GRIK1: variants seen among roughly 807,000 people sequenced by gnomAD.
The protein encoded by GRIK1 is glutamate receptor ionotropic, kainate 1.
A neutral mutation model predicts 105.7 loss-of-function variants in GRIK1; 69 were observed. That is an observed-to-expected ratio of 0.65 (90% CI 0.54 to 0.80). The LOEUF is 0.80. Ranked by LOEUF, GRIK1 falls within the 30% of genes least tolerant of loss-of-function variation. The probability of loss-of-function intolerance (pLI) is 0.00; values close to 1 mark genes in which losing one functional copy is unlikely to be tolerated. For missense variants in GRIK1, 1,109 were observed against 1,167.3 expected (o/e 0.95, Z 0.73); for synonymous variants, 438 against 431.3 (o/e 1.02, Z -0.19).
At chr21:29,779,504 T>A (rs2145771039) in intron 1 of GRIK1, among the ~76,000 whole-genome samples, 2 of 152,160 alleles carry the variant, frequency 1.3e-5, no homozygotes, top group Admixed American at 1.3e-4. Context: ...GGTGTGTGTG[T>A]GTGTGTGTGT....
intron 1 of GRIK1, among the ~76,000 whole-genome samples, chr21:29,781,831 C>T (rs1454326765): frequency 1.0e-4 from 15 of 146,846 alleles, no homozygotes; most frequent in South Asian, 4.4e-4. Flanking sequence ...CCACCGCGCC[C>T]GGCTAATTTT....
chr21:29,573,083 C>CT (rs1331395012), intron 14 of GRIK1, among the ~76,000 whole-genome samples: 5 of 151,950 alleles, frequency 3.3e-5, no homozygotes, highest in South Asian at 4.2e-4. Flanking sequence ...CTCAACTGGT[C>CT]TTTTTTAAAG....
chr21:29,553,264 T>A lies in GRIK1; in HGVS notation c.2607+1788A>T, dbSNP rs985535758. 8.8e-6 allele frequency: 9 copies of A among 1,022,168 alleles called. No homozygotes were observed. The Admixed American group carries it at 1.7e-4, about 19-fold the overall frequency. 63.3% of individuals were successfully genotyped at this position (1,022,168 alleles called of 1,614,324 possible). The stretch of plus-strand genomic sequence containing the variant: ...AATCTCCTTTTTCATGAAGGAAGAG[T>A]TACTTATTTTTAATGCATGAAGATA... On this transcript the variant is annotated intron_variant, in intron 16 of 17. Transcript: ENST00000327783.
intron 1 of GRIK1, among the ~76,000 whole-genome samples, chr21:29,910,013 G>T (rs575457833): frequency 6.6e-6 from 1 of 152,164 alleles, no homozygotes; most frequent in Non-Finnish European, 1.5e-5. Context: ...ACCTTGAATA[G>T]ACCTTTTCCA....
At chr21:29,580,279 T>C (rs363484) in intron 13 of GRIK1, among the ~76,000 whole-genome samples, 1,774 of 151,624 alleles carry the variant, frequency 0.012, 39 homozygotes, top group African/African-American at 0.041. Context: ...AAAAATTAAA[T>C]ACATGGGTAA....
chr21:29,872,832 C>G (rs1416795288), intron 1 of GRIK1, among the ~76,000 whole-genome samples: 1 of 152,146 alleles, frequency 6.6e-6, no homozygotes, highest in Non-Finnish European at 1.5e-5. Context: ...AATTACCCCC[C>G]ACTGGGTCCC....
chr21:29,656,360 A>AAAAAAAAAAAC (rs2062851525), intron 4 of GRIK1, among the ~76,000 whole-genome samples: 1 of 89,914 alleles, frequency 1.1e-5, no homozygotes, highest in African/African-American at 6.6e-5. Context: ...GACTCAAAAA[A>AAAAAAAAAAAC]AAAAAAAAAA....
At chr21:29,577,648 A>G (rs1403637421) in intron 13 of GRIK1, among the ~76,000 whole-genome samples, 5 of 152,262 alleles carry the variant, frequency 3.3e-5, no homozygotes, top group Non-Finnish European at 7.3e-5. Context: ...TTTATCACAT[A>G]TACTTTAATA....
At chr21:29,848,779 A>ATATATTTTTTTTT in intron 1 of GRIK1, among the ~76,000 whole-genome samples, 9 of 77,864 alleles carry the variant, frequency 1.2e-4, no homozygotes, top group African/African-American at 5.3e-4. Context: ...ATATATATAT[A>ATATATTTTTTTTT]TTTTTTTTTT....
At chr21:29,685,465 T>A (rs1156450837) in intron 3 of GRIK1, among the ~76,000 whole-genome samples, 1 of 152,056 alleles carries the variant, frequency 6.6e-6, no homozygotes, top group African/African-American at 2.4e-5. Context: ...TTTTTTAATG[T>A]TTTGCCACTG....
intron 1 of GRIK1, among the ~76,000 whole-genome samples, chr21:29,825,480 GTATT>G (rs1326292867): frequency 1.3e-5 from 2 of 152,044 alleles, no homozygotes; most frequent in Admixed American, 6.6e-5. Flanking sequence ...AATATTCTGA[GTATT>G]TGTGCACTCT....
chr21:29,844,894 G>A (rs2068074285), intron 1 of GRIK1, among the ~76,000 whole-genome samples: 1 of 151,836 alleles, frequency 6.6e-6, no homozygotes, highest in Admixed American at 6.6e-5. Flanking sequence ...ATTTCGTTTT[G>A]TTCCAGAACA....
intron 1 of GRIK1, among the ~76,000 whole-genome samples, chr21:29,796,118 C>A (rs2145838132): frequency 6.6e-6 from 1 of 152,266 alleles, no homozygotes; most frequent in Admixed American, 6.5e-5. Context: ...TTTGTCATTG[C>A]AGGCCTATTT....
intron 5 of GRIK1, 138 bp downstream of exon 5, chr21:29,654,672 G>T: frequency 3.2e-6 from 2 of 626,192 alleles, no homozygotes; most frequent in Non-Finnish European, 5.8e-6. Context: ...AGCATTGCTG[G>T]ATTTAGAGGA....
At chr21:29,932,266 G>A (rs1366703590) in intron 1 of GRIK1, among the ~76,000 whole-genome samples, 1 of 152,128 alleles carries the variant, frequency 6.6e-6, no homozygotes, top group Non-Finnish European at 1.5e-5. Context: ...TTTTCAAGCT[G>A]TGGAAGGTGT....
intron 4 of GRIK1, among the ~76,000 whole-genome samples, chr21:29,656,393 ATGAAG>A (rs1284932456): frequency 3.4e-5 from 5 of 145,914 alleles, no homozygotes; most frequent in Non-Finnish European, 1.5e-5. Flanking sequence ...AAAAAAAGAA[ATGAAG>A]AGAGAAGACT....
At chr21:29,887,725 AT>A (rs1033401735) in intron 1 of GRIK1, among the ~76,000 whole-genome samples, 2 of 151,886 alleles carry the variant, frequency 1.3e-5, no homozygotes, top group African/African-American at 4.8e-5. Context: ...GTGTGTTGGC[AT>A]TTTTTTTCCT....
At chr21:29,594,060 G>T (rs1177878933) in intron 9 of GRIK1, among the ~76,000 whole-genome samples, 1 of 152,164 alleles carries the variant, frequency 6.6e-6, no homozygotes, top group Non-Finnish European at 1.5e-5. Flanking sequence ...TCCTTTAAAT[G>T]TAGACTAGAA....
chr21:29,922,327 TAA>T (rs942433051), intron 1 of GRIK1, among the ~76,000 whole-genome samples: 1 of 152,148 alleles, frequency 6.6e-6, no homozygotes, highest in Admixed American at 6.5e-5. Context: ...ATTTTTAAAA[TAA>T]GTTTTCTATA....
Sources: gnomAD v4.1 joint callset for allele counts (sites outside exome capture counted in the v4.1 genomes callset) on GRCh38, gnomAD v4.1.1 for gene constraint, MANE v1.5 for transcripts, NCBI Gene and HGNC (gene_info 2026-07-23, HGNC 2026-07-21) for gene names.